RPL18: variants seen among roughly 807,000 people sequenced by gnomAD.
RPL18 encodes the protein ribosomal protein L18.
Under a neutral mutation model 25.0 loss-of-function variants are expected in RPL18, and 4 were observed. The observed-to-expected ratio is 0.16, with a 90% CI of 0.08 to 0.37. The LOEUF is 0.37. Among genes scored for constraint, RPL18 ranks in the 10% least tolerant of loss-of-function variants. RPL18 has a pLI of 1.00. For missense variants in RPL18, 179 were observed against 267.9 expected (o/e 0.67, Z 2.32); for synonymous variants, 129 against 101.6 (o/e 1.27, Z -1.62).
Position 48,615,880 on chromosome 19 carries a change from G to A in RPL18, c.488C>T (p.Thr163Ile). The A allele has an allele frequency of 6.2e-7, 1 of 1,610,214 alleles. No individual in the cohort carries two copies. Among genetic ancestry groups the A allele is most frequent in the Non-Finnish European group, 8.5e-7 (1 of 1,178,364 alleles). Reference protein sequence around the residue: ...GKAPGTPHSHTKPYVRSKGRK... With the variant: ...GKAPGTPHSHIKPYVRSKGRK... ...GGGCTGGGGGCCTGATACTCACTTG[G>A]TGTGGCTGTGCGGGGTTCCTGGGGC... is the stretch of plus-strand genomic sequence containing the variant. The change falls in exon 6 of 7, where the codon ACC becomes ATC. Residue 163 changes from threonine (T) to isoleucine (I), a missense_variant. Transcript: ENST00000549920.
chr19:48,617,649 T>A, intron 2 of RPL18, 142 bp downstream of exon 2: 1 of 706,350 alleles, frequency 1.4e-6, no homozygotes, highest in South Asian at 1.8e-5. Flanking sequence ...AAAATACAAA[T>A]GCAGGAGACC....
chr19:48,616,564 G>T (rs1169390164), intron 4 of RPL18, 162 bp downstream of exon 4: 1 of 724,266 alleles, frequency 1.4e-6, no homozygotes, highest in East Asian at 2.7e-5. Context: ...CCATGCCAGA[G>T]ACGACCCACA....
chr19:48,617,775 C>G lies in RPL18; in HGVS notation c.90+16G>C. 1 of 1,608,540 alleles carries G rather than the reference C, an allele frequency of 6.2e-7. No homozygotes were observed. Among genetic ancestry groups the G allele is most frequent in the Non-Finnish European group, 8.5e-7 (1 of 1,175,000 alleles). On this transcript the variant is annotated intron_variant, in intron 2 of 6. Coordinates refer to ENST00000549920, the MANE Select transcript of RPL18 (RefSeq NM_000979.4). ...CTGGGGTGACCCTTCCCAAAGACCTCAGGGCCCAGCCTCACCTTGACCAAC... is the reference window on the plus strand; with the variant it reads ...CTGGGGTGACCCTTCCCAAAGACCTGAGGGCCCAGCCTCACCTTGACCAAC...
intron 1 of RPL18, 107 bp from the exon 2 acceptor site, chr19:48,617,984 C>A: frequency 2.5e-6 from 2 of 810,454 alleles, no homozygotes. Flanking sequence ...TCTGAACACA[C>A]CAGCTCAAAT....
chr19:48,618,845 G>C (rs1331338705), intron 1 of RPL18: 1 of 517,684 alleles, frequency 1.9e-6, no homozygotes, highest in Admixed American at 3.7e-5. Context: ...AAATAACTAA[G>C]AGTGGCTGCG....
chr19:48,615,434 A>G lies in RPL18; in HGVS notation c.505T>C (p.Ser169Pro). 1 of 1,612,730 alleles carries G rather than the reference A, an allele frequency of 6.2e-7. No homozygotes were observed. The highest frequency in any genetic ancestry group is 2.2e-5 in the East Asian group (1 of 44,838). Residue 169 changes from serine to proline, a missense_variant, in exon 7 of 7, where the codon TCC (serine) becomes CCC (proline). Transcript: ENST00000549920. Reference sequence around the variant, plus strand: ...GCACGCTCGAACTTCCGGCCCTTGGAGCGGACGTAGGGTCTGTGGGGAGAG... The same window carrying G: ...GCACGCTCGAACTTCCGGCCCTTGGGGCGGACGTAGGGTCTGTGGGGAGAG... Reference protein sequence around the residue: ...PHSHTKPYVRSKGRKFERARG... With the variant: ...PHSHTKPYVRPKGRKFERARG...
chr19:48,616,877 C>T, intron 3 of RPL18, 53 bp from the exon 4 acceptor site: 2 of 1,391,050 alleles, frequency 1.4e-6, no homozygotes, highest in South Asian at 1.2e-5. Flanking sequence ...TACATTCAGC[C>T]CCGCTTGAGG....
At position 48,619,168 on chromosome 19, in the gene RPL18, T is replaced by C. The variant is rs769014055; in HGVS notation, c.-25A>G. 1.5e-6 allele frequency: 1 copy of C among 666,780 alleles called. No individual in the cohort carries two copies. Among genetic ancestry groups the C allele is most frequent in the Admixed American group, 2.1e-5 (1 of 47,118 alleles). 41.3% of individuals were successfully genotyped at this position (666,780 alleles called of 1,614,324 possible). A position where few individuals can be genotyped will look rare whatever the true frequency, so the allele number is the denominator to read the frequency against. On this transcript the variant is annotated 5_prime_UTR_variant, in exon 1 of 7. Transcript: ENST00000549920. ...TGATGGCGCCTCCTGCTCGGCCAGG[T>C]CCGGAAAGAGAGAACGGGCTGGGGT...
chr19:48,618,331 A>C (rs1974249259), intron 1 of RPL18: 1 of 156,776 alleles, frequency 6.4e-6, no homozygotes, highest in Non-Finnish European at 1.4e-5. Context: ...TGTCTTTTTA[A>C]AACATCGTTT....
chr19:48,616,783 G>T lies in RPL18; in HGVS notation c.240C>A (p.Ala80=). 2 of 1,613,934 alleles carry T rather than the reference G, an allele frequency of 1.2e-6. No homozygotes were observed. The highest frequency in any genetic ancestry group is 1.7e-4 in the Middle Eastern group (1 of 6,020). The stretch of plus-strand genomic sequence containing the variant: ...CATCAGTTATGGTCCCCACAACCAC[G>T]GCCGTCTTGTTTTCCCGGCCAGGAA... ...MKLPGRENKT[A]VVVGTITDDV... is the part of the protein sequence containing the mutation. Residue 80 remains alanine (A), a synonymous_variant, in exon 4 of 7, where the codon GCC becomes GCA. Transcript: ENST00000549920.
intron 5 of RPL18, 61 bp downstream of exon 5, chr19:48,616,018 G>A: frequency 3.1e-6 from 5 of 1,613,766 alleles, no homozygotes; most frequent in Non-Finnish European, 4.2e-6. Context: ...AGATCCAGGA[G>A]GGTGAAGGCT....
intron 1 of RPL18, 24 bp from the exon 2 acceptor site, chr19:48,617,901 T>C (rs374446933): frequency 3.6e-5 from 56 of 1,545,260 alleles, no homozygotes; most frequent in Non-Finnish European, 4.3e-5. Context: ...GAGGCAACCA[T>C]GGACCCAATT....
chr19:48,617,479 C>A, intron 2 of RPL18, 56 bp from the exon 3 acceptor site: 1 of 1,274,850 alleles, frequency 7.8e-7, no homozygotes. Flanking sequence ...CCGCAGCCTT[C>A]CAGTGAAGGG....
In RPL18 at chr19:48,616,068, G is replaced by A. The variant is rs371360534; in HGVS notation, c.421+11C>T. The stretch of plus-strand genomic sequence containing the variant: ...AGCTCAGTCCAAACCCGTCGACCAC[G>A]TATCACTCACCGGAGAGCAGGACAG... On this transcript the variant is annotated intron_variant, in intron 5 of 6. Transcript: ENST00000549920. 3.3e-5 allele frequency: 54 copies of A among 1,614,000 alleles called. No individual in the cohort carries two copies. Among genetic ancestry groups the A allele is most frequent in the Non-Finnish European group, 4.2e-5 (50 of 1,180,004 alleles).
At position 48,616,092 on chromosome 19, in the gene RPL18, A is replaced by C; in HGVS notation, c.408T>G (p.Thr136=). The C allele has an allele frequency of 6.2e-7, 1 of 1,614,186 alleles. No individual in the cohort carries two copies. The change falls in exon 5 of 7, where the codon ACT becomes ACG. Residue 136 remains threonine, a synonymous_variant. Coordinates refer to ENST00000549920, the MANE Select transcript of RPL18 (RefSeq NM_000979.4). ...CGTATCACTCACCGGAGAGCAGGAC[A>C]GTGCCACAGCCCTTAGGGGAGTCCA... ...LALDSPKGCG[T]VLLSGPRKGR...
rs373070088 is a variant in RPL18, at chr19:48,616,059, G to A, written c.421+20C>T. The A allele has an allele frequency of 1.8e-5, 29 of 1,614,042 alleles. No individual in the cohort carries two copies. Among genetic ancestry groups the A allele is most frequent in the African/African-American group, 8.0e-5 (6 of 75,044 alleles). The stretch of plus-strand genomic sequence containing the variant: ...TAGCCACACAGCTCAGTCCAAACCC[G>A]TCGACCACGTATCACTCACCGGAGA... On this transcript the variant is annotated intron_variant, in intron 5 of 6. Coordinates refer to ENST00000549920, the MANE Select transcript of RPL18 (RefSeq NM_000979.4).
At chr19:48,615,786 C>A in intron 6 of RPL18, 91 bp downstream of exon 6, 1 of 1,169,594 alleles carries the variant, frequency 8.5e-7, no homozygotes, top group Non-Finnish European at 1.2e-6. Flanking sequence ...CTGGCTGGTA[C>A]GAGGGATAGG....
intron 1 of RPL18, chr19:48,618,775 C>T (rs1974268792): frequency 1.3e-5 from 4 of 302,948 alleles, no homozygotes; most frequent in Non-Finnish European, 2.5e-5. Flanking sequence ...CGCCGCGGCC[C>T]CCATCGAACC....
At chr19:48,618,968 G>T (rs764761201) in intron 1 of RPL18, 173 bp downstream of exon 1, 2 of 662,150 alleles carry the variant, frequency 3.0e-6, no homozygotes, top group Non-Finnish European at 5.4e-6. Context: ...GGGGCGGTAG[G>T]CTATGACTGA....
Sources: gnomAD v4.1 joint callset for allele counts on GRCh38, gnomAD v4.1.1 for gene constraint, MANE v1.5 for transcripts, NCBI Gene and HGNC (gene_info 2026-07-23, HGNC 2026-07-21) for gene names.